The following SLC25A32 variants were observed in gnomAD, a reference collection of about 807,000 sequenced individuals.
SLC25A32 encodes solute carrier family 25 member 32, also known as Glycine auxotroph B, complementation of hamster.
Under a neutral mutation model 39.0 loss-of-function variants are expected in SLC25A32, and 32 were observed. The ratio of observed to expected loss-of-function variants is 0.82; its 90% CI spans 0.62 to 1.10. The LOEUF is 1.10. Among genes scored for constraint, SLC25A32 ranks in the 50% least tolerant of loss-of-function variants. The probability of loss-of-function intolerance (pLI) is 0.00; values close to 1 mark genes in which losing one functional copy is unlikely to be tolerated. For missense variants in SLC25A32, 367 were observed against 395.3 expected (o/e 0.93, Z 0.61); for synonymous variants, 166 against 152.4 (o/e 1.09, Z -0.66).
rs1816562807 is a variant in SLC25A32 at position 103,414,908 on chromosome 8, C to T, written c.30G>A (p.Gly10=). The T allele has an allele frequency of 6.2e-7, 1 of 1,610,558 alleles. No homozygotes were observed. The highest frequency in any genetic ancestry group is 8.5e-7 in the Non-Finnish European group (1 of 1,178,836). The part of the protein sequence containing the change: MTGQGQSAS[G]SSAWSTVFRH... ...GGAATACCGTGCTCCACGCCGACGA[C>T]CCGGACGCCGACTGGCCCTGGCCCG... The change falls in exon 1 of 7, where the codon GGG becomes GGA. Residue 10 remains glycine, a synonymous_variant. Coordinates refer to ENST00000297578, the MANE Select transcript of SLC25A32 (RefSeq NM_030780.5).
chr8:103,414,174 CTCTT>C (rs1406523006), intron 1 of SLC25A32, among the ~76,000 whole-genome samples: 2 of 152,236 alleles, frequency 1.3e-5, no homozygotes, highest in African/African-American at 4.8e-5. Flanking sequence ...ATCTTTGAAA[CTCTT>C]TCCAGACTTT....
intron 2 of SLC25A32, among the ~76,000 whole-genome samples, chr8:103,406,439 G>A (rs1383120779): frequency 6.6e-6 from 1 of 152,206 alleles, no homozygotes; most frequent in Non-Finnish European, 1.5e-5. Context: ...GATCAGAGGC[G>A]TGCTCAGAGC....
Position 103,399,042 on chromosome 8 carries a change from A to G in SLC25A32, c.*1369T>C, listed in dbSNP as rs138297749. The G allele has an allele frequency of 4.6e-5, 7 of 152,366 alleles. No homozygotes were observed. The highest frequency in any genetic ancestry group is 1.4e-4 in the African/African-American group (6 of 41,598). The allele number at this position is 152,366 out of a possible 1,614,324, so 9.4% of individuals were successfully genotyped here. ...TCGTGGATGTTTACGATAAATAAAA[A>G]TACTAGTATTCTGGCATCCTTTGGG... On this transcript the variant is annotated 3_prime_UTR_variant, in exon 7 of 7. Transcript: ENST00000297578.
In SLC25A32 at chr8:103,399,278, C is replaced by G. The variant is rs1647825244; in HGVS notation, c.*1133G>C. 1 of 152,142 alleles carries G rather than the reference C, an allele frequency of 6.6e-6. No homozygotes were observed. The highest frequency in any genetic ancestry group is 1.5e-5 in the Non-Finnish European group (1 of 68,004). The allele number at this position is 152,142 out of a possible 1,614,324, so 9.4% of individuals were successfully genotyped here. A position where few individuals can be genotyped will look rare whatever the true frequency, so the allele number is the denominator to read the frequency against. On this transcript the variant is annotated 3_prime_UTR_variant, in exon 7 of 7. Coordinates refer to ENST00000297578, the MANE Select transcript of SLC25A32 (RefSeq NM_030780.5). The stretch of plus-strand genomic sequence containing the variant: ...AAACATATCCCAAACATTTCAGCAT[C>G]TGTAAAAGGTGATCTATTTAGCATC...
chr8:103,408,272 C>G (rs187920015), intron 1 of SLC25A32, among the ~76,000 whole-genome samples: 55 of 152,148 alleles, frequency 3.6e-4, no homozygotes, highest in African/African-American at 1.1e-3. Flanking sequence ...CAGGTGTGAG[C>G]CACTATGCCC....
At chr8:103,414,070 AAAC>A (rs1471593657) in intron 1 of SLC25A32, among the ~76,000 whole-genome samples, 3 of 152,248 alleles carry the variant, frequency 2.0e-5, no homozygotes, top group Non-Finnish European at 4.4e-5. Context: ...ATGCTAAAAT[AAAC>A]AACTTCTGTA....
intron 4 of SLC25A32, 103 bp downstream of exon 4, chr8:103,403,061 G>A: frequency 1.4e-6 from 1 of 695,088 alleles, no homozygotes; most frequent in Non-Finnish European, 2.2e-6. Flanking sequence ...GCCTAAGTGT[G>A]GCTTCTTTTT....
At chr8:103,404,466 G>T (rs899234434) in intron 3 of SLC25A32, among the ~76,000 whole-genome samples, 5 of 151,940 alleles carry the variant, frequency 3.3e-5, no homozygotes, top group African/African-American at 9.7e-5. Flanking sequence ...GTGGTGGCAC[G>T]TGTCTGTAGT....
rs145785157 is a variant in SLC25A32 at position 103,401,630 on chromosome 8, A to G, written c.698T>C (p.Leu233Pro). ...STVEYISVAA[L>P]SKIFAVAATY... Reference sequence around the variant, plus strand: ...TGCTGCGACAGCAAATATTTTGGATAGTGCTGCAACAGATATATATTCTAC... The same window carrying G: ...TGCTGCGACAGCAAATATTTTGGATGGTGCTGCAACAGATATATATTCTAC... The change falls in exon 6 of 7, where the codon CTA becomes CCA. Residue 233 changes from leucine to proline, a missense_variant. Physicochemically the swap from Leu to Pro is moderately conservative, Grantham distance 98. Coordinates refer to ENST00000297578, the MANE Select transcript of SLC25A32 (RefSeq NM_030780.5). 52 of 1,613,300 alleles carry G rather than the reference A, an allele frequency of 3.2e-5. No homozygotes were observed. The African/African-American group carries it at 6.7e-4, about 21-fold the overall frequency.
In SLC25A32 at chr8:103,414,927, T is replaced by G. The variant is rs755173340; in HGVS notation, c.11A>C (p.Gln4Pro). 6.2e-7 allele frequency: 1 copy of G among 1,606,184 alleles called. No homozygotes were observed. The highest frequency in any genetic ancestry group is 8.5e-7 in the Non-Finnish European group (1 of 1,176,856). Residue 4 changes from glutamine (Q) to proline (P), a missense_variant, in exon 1 of 7, where the codon CAG becomes CCG. Transcript: ENST00000297578. Reference protein sequence around the residue: MTGQGQSASGSSAW... With the variant: MTGPGQSASGSSAW... ...CGACGACCCGGACGCCGACTGGCCC[T>G]GGCCCGTCATAGGCTCGGGGCCCGT...
intron 1 of SLC25A32, among the ~76,000 whole-genome samples, chr8:103,408,545 C>CAGGAA (rs150814689): frequency 0.044 from 6,645 of 152,136 alleles, 425 homozygotes; most frequent in African/African-American, 0.14. Context: ...TGAGGAGTGG[C>CAGGAA]AGGAAAGAAA....
intron 6 of SLC25A32, among the ~76,000 whole-genome samples, chr8:103,401,246 T>A (rs1563716498): frequency 6.6e-6 from 1 of 152,258 alleles, no homozygotes; most frequent in African/African-American, 2.4e-5. Flanking sequence ...TTATAACACC[T>A]AAATTTTATT....
Position 103,400,008 on chromosome 8 carries a change from TA to T in SLC25A32, c.*402del, listed in dbSNP as rs774556062. The T allele has an allele frequency of 5.7e-6, 1 of 175,678 alleles. No individual in the cohort carries two copies. Among genetic ancestry groups the T allele is most frequent in the African/African-American group, 2.4e-5 (1 of 41,734 alleles). The allele number at this position is 175,678 out of a possible 1,614,324, so 10.9% of individuals were successfully genotyped here. Reference sequence around the variant, plus strand: ...CTTGAGACATACAAAGACATTCTTTTAAAGAGCTATTTTCTTGGTATTGCAC... The same window carrying T: ...CTTGAGACATACAAAGACATTCTTTTAAGAGCTATTTTCTTGGTATTGCAC... On this transcript the variant is annotated 3_prime_UTR_variant, in exon 7 of 7. Transcript: ENST00000297578.
chr8:103,415,093 G>GGTAA lies in SLC25A32; in HGVS notation c.-157_-156insTTAC, dbSNP rs1362204283. On this transcript the variant is annotated 5_prime_UTR_variant, in exon 1 of 7. Transcript: ENST00000297578. ...ATGCCCAAGGCGCGTGAGCGAAGCC[G>GGTAA]GAGACTCTAGTACTGAGGGGGCAAG... 6.2e-7 allele frequency: 1 copy of GGTAA among 1,610,466 alleles called. No individual in the cohort carries two copies. The highest frequency in any genetic ancestry group is 1.1e-5 in the South Asian group (1 of 90,920).
At chr8:103,408,717 T>A (rs1816394522) in intron 1 of SLC25A32, among the ~76,000 whole-genome samples, 1 of 152,150 alleles carries the variant, frequency 6.6e-6, no homozygotes, top group African/African-American at 2.4e-5. Context: ...TACTAGAGTG[T>A]TCCATATAAC....
At chr8:103,402,896 T>C (rs1007465814) in intron 4 of SLC25A32, among the ~76,000 whole-genome samples, 9 of 152,188 alleles carry the variant, frequency 5.9e-5, no homozygotes, top group South Asian at 2.1e-4. Context: ...GTGACCTGGT[T>C]GTATAACTTA....
At chr8:103,404,901 G>A (rs748699500) in intron 2 of SLC25A32, 40 bp from the exon 3 acceptor site, 1 of 1,387,950 alleles carries the variant, frequency 7.2e-7, no homozygotes, top group South Asian at 1.2e-5. Context: ...TTGAATAGGT[G>A]TCATTAAGTC....
Position 103,403,339 on chromosome 8 carries a change from C to T in SLC25A32, c.392-15G>A. On this transcript the variant is annotated splice_polypyrimidine_tract_variant and intron_variant, in intron 3 of 6. Transcript: ENST00000297578. ...GGTCATGGCTCCTAAAATGAGATTTCAATAAGATTATTCAGCATACAGATA... is the reference window on the plus strand; with the variant it reads ...GGTCATGGCTCCTAAAATGAGATTTTAATAAGATTATTCAGCATACAGATA... 8 of 1,471,386 alleles carry T rather than the reference C, an allele frequency of 5.4e-6. No homozygotes were observed. The highest frequency in any genetic ancestry group is 7.3e-6 in the Non-Finnish European group (8 of 1,097,146). 91.1% of individuals were successfully genotyped at this position (1,471,386 alleles called of 1,614,324 possible). A position where few individuals can be genotyped will look rare whatever the true frequency, so the allele number is the denominator to read the frequency against.
At chr8:103,406,004 G>C (rs1439005679) in intron 2 of SLC25A32, among the ~76,000 whole-genome samples, 1 of 151,396 alleles carries the variant, frequency 6.6e-6, no homozygotes, top group Non-Finnish European at 1.5e-5. Context: ...TATATGGCTT[G>C]TCCTTAGAAG....
Sources: gnomAD v4.1 joint callset for allele counts (sites outside exome capture counted in the v4.1 genomes callset) on GRCh38, gnomAD v4.1.1 for gene constraint, MANE v1.5 for transcripts, NCBI Gene and HGNC (gene_info 2026-07-23, HGNC 2026-07-21) for gene names.